Variants in EXD3 observed in about 807,000 individuals in gnomAD.
EXD3 encodes exonuclease 3'-5' domain containing 3, also known as exonuclease mut-7 homolog.
Under a neutral mutation model 98.0 loss-of-function variants are expected in EXD3, and 92 were observed. The ratio of observed to expected loss-of-function variants is 0.94; its 90% CI spans 0.79 to 1.12. EXD3 has a LOEUF of 1.12. Ranked by LOEUF, EXD3 falls within the 50% of genes most tolerant of loss-of-function variation. EXD3 has a pLI of 0.00. For synonymous variants in EXD3, 569 were observed against 526.0 expected (o/e 1.08, Z -1.12); for missense variants, 1,222 against 1,191.6 (o/e 1.03, Z -0.38).
At chr9:137,314,333 G>C (rs1255392455) in intron 19 of EXD3, among the ~76,000 whole-genome samples, 3 of 152,204 alleles carry the variant, frequency 2.0e-5, no homozygotes, top group African/African-American at 7.2e-5. Context: ...GGAGTTGCGA[G>C]TTTGCCAAAA....
Position 137,419,942 on chromosome 9 carries a change from G to A in EXD3, c.-48+3172C>T, listed in dbSNP as rs940643723. 3.9e-5 allele frequency among the ~76,000 whole-genome samples: 6 copies of A among 152,210 alleles called. No homozygotes were observed. The South Asian group carries it at 6.2e-4, about 16-fold the overall frequency. Reference sequence around the variant, plus strand: ...TGGGAGGCCAAGGCGGGCGGATCACGAGGTCAGGAGATCGAGACCATCCTG... The same window carrying A: ...TGGGAGGCCAAGGCGGGCGGATCACAAGGTCAGGAGATCGAGACCATCCTG... On this transcript the variant is annotated intron_variant, in intron 1 of 21. Coordinates refer to ENST00000340951, the MANE Select transcript of EXD3 (RefSeq NM_017820.5).
chr9:137,369,685 G>A (rs1208071563), intron 5 of EXD3, among the ~76,000 whole-genome samples: 1 of 152,240 alleles, frequency 6.6e-6, no homozygotes, highest in Non-Finnish European at 1.5e-5. Flanking sequence ...ACCCCTCTGA[G>A]CCCAAGAAGG....
chr9:137,377,627 A>G (rs1835980938), intron 3 of EXD3, among the ~76,000 whole-genome samples: 1 of 142,988 alleles, frequency 7.0e-6, no homozygotes, highest in South Asian at 2.3e-4. Flanking sequence ...AGGCTGAGGC[A>G]GGAGAATCGC....
chr9:137,374,363 G>T (rs1835790401), intron 3 of EXD3, among the ~76,000 whole-genome samples: 1 of 152,234 alleles, frequency 6.6e-6, no homozygotes, highest in African/African-American at 2.4e-5. Context: ...CCAGCTGCTG[G>T]CTCCAGCCAC....
At chr9:137,328,485 A>ACTAATATACTCCCACATG (rs1336695260) in intron 17 of EXD3, among the ~76,000 whole-genome samples, 1 of 151,746 alleles carries the variant, frequency 6.6e-6, no homozygotes, top group Non-Finnish European at 1.5e-5. Context: ...AGTAAAAACA[A>ACTAATATACTCCCACATG]AAGTAAAAAC....
intron 10 of EXD3, 51 bp downstream of exon 10, chr9:137,354,288 G>T: frequency 6.2e-7 from 1 of 1,603,470 alleles, no homozygotes; most frequent in Non-Finnish European, 8.5e-7. Context: ...GTGCCCCTAG[G>T]ACAGCCGCCC....
At chr9:137,352,497 TG>T in intron 11 of EXD3, 122 bp downstream of exon 11, 1 of 1,068,466 alleles carries the variant, frequency 9.4e-7, no homozygotes, top group Non-Finnish European at 1.3e-6. Context: ...CTGCGCTCTT[TG>T]TTTTGTCTTG....
chr9:137,412,040 C>T (rs1838029057), intron 1 of EXD3, among the ~76,000 whole-genome samples: 1 of 152,164 alleles, frequency 6.6e-6, no homozygotes, highest in African/African-American at 2.4e-5. Context: ...TGGGGGGCTC[C>T]CAGGCTCCCC....
intron 8 of EXD3, among the ~76,000 whole-genome samples, chr9:137,355,497 G>GACCTAGAAACACTGCAAAATCCAGATAA (rs1564508303): frequency 6.7e-5 from 3 of 44,800 alleles, no homozygotes; most frequent in Non-Finnish European, 1.5e-4. Flanking sequence ...GAGGATGGAG[G>GACCTAGAAACACTGCAAAATCCAGATAA]AAGGAGGAAG....
intron 3 of EXD3, chr9:137,374,928 C>T (rs1015100108): frequency 1.2e-6 from 1 of 864,652 alleles, no homozygotes; most frequent in East Asian, 1.2e-4. Context: ...AGTTCTAACT[C>T]TAGTGAGTTC....
intron 3 of EXD3, among the ~76,000 whole-genome samples, chr9:137,374,337 G>T (rs1022384535): frequency 6.6e-6 from 1 of 152,242 alleles, no homozygotes; most frequent in African/African-American, 2.4e-5. Context: ...ACGCAGGTGG[G>T]CAAGAGGGTG....
In EXD3 at chr9:137,343,733, C is replaced by T. The variant is rs184732857; in HGVS notation, c.1998+4338G>A. 8.0e-3 allele frequency among the ~76,000 whole-genome samples: 1,172 copies of T among 146,992 alleles called. 11 individuals carry two copies. The highest frequency in any genetic ancestry group is 0.027 in the African/African-American group (1,084 of 39,880). On this transcript the variant is annotated intron_variant, in intron 17 of 21. Transcript: ENST00000340951. ...CCTCCCGAGTAGCTGGGAATACAGA[C>T]GCCCGCCACCATGCCCGGCTACTTT... is the stretch of plus-strand genomic sequence containing the variant.
At chr9:137,330,827 C>G (rs1391703017) in intron 17 of EXD3, among the ~76,000 whole-genome samples, 3 of 152,136 alleles carry the variant, frequency 2.0e-5, no homozygotes, top group Non-Finnish European at 4.4e-5. Context: ...TTCATTAACA[C>G]GAAGGAGTTT....
intron 19 of EXD3, among the ~76,000 whole-genome samples, chr9:137,310,230 G>A (rs912768911): frequency 5.9e-5 from 9 of 152,154 alleles, no homozygotes; most frequent in Non-Finnish European, 1.0e-4. Flanking sequence ...GGCACAAAAC[G>A]GGCCCCCATG....
In EXD3 at chr9:137,374,964, T is replaced by C. The variant is rs1022938753; in HGVS notation, c.121-1365A>G. On this transcript the variant is annotated intron_variant, in intron 3 of 21. Transcript: ENST00000340951. ...TAGCCCTAATGAGTTATAGCTCTAG[T>C]GAGTTCCAGCTCTAGTAAGTTGTAG... is the stretch of plus-strand genomic sequence containing the variant. 5.1e-6 allele frequency: 3 copies of C among 583,518 alleles called. No individual in the cohort carries two copies. In the African/African-American group the frequency reaches 6.1e-5, roughly 12 times the overall value. 36.1% of individuals were successfully genotyped at this position (583,518 alleles called of 1,614,324 possible). A position where few individuals can be genotyped will look rare whatever the true frequency, so the allele number is the denominator to read the frequency against.
At chr9:137,346,118 A>T (rs2119200577) in intron 17 of EXD3, 1 of 151,638 alleles carries the variant, frequency 6.6e-6, no homozygotes, top group East Asian at 1.9e-4. Context: ...AGGAGCCTGT[A>T]GTTCCAGCTA....
chr9:137,315,517 C>T lies in EXD3; in HGVS notation c.2185-5817G>A, dbSNP rs1234071844. 2.0e-5 allele frequency among the ~76,000 whole-genome samples: 3 copies of T among 152,110 alleles called. No homozygotes were observed. The South Asian group carries it at 6.2e-4, about 31-fold the overall frequency. On this transcript the variant is annotated intron_variant, in intron 19 of 21. Transcript: ENST00000340951. ...GCAGACTTGGGGGCCCCCGGCTGAC[C>T]CGGTCCAGGAGGGCTGGGGGTGAGC...
At chr9:137,317,582 G>C (rs1266345976) in intron 19 of EXD3, among the ~76,000 whole-genome samples, 1 of 152,038 alleles carries the variant, frequency 6.6e-6, no homozygotes, top group Non-Finnish European at 1.5e-5. Flanking sequence ...CTGGAAGGCT[G>C]CTAGGAAAGG....
intron 1 of EXD3, among the ~76,000 whole-genome samples, chr9:137,422,723 C>T (rs1471051386): frequency 6.6e-6 from 1 of 152,236 alleles, no homozygotes; most frequent in East Asian, 1.9e-4. Flanking sequence ...CGTCCCTTCT[C>T]CCGGGGAGGG....
Sources: gnomAD v4.1 joint callset for allele counts (sites outside exome capture counted in the v4.1 genomes callset) on GRCh38, gnomAD v4.1.1 for gene constraint, MANE v1.5 for transcripts, NCBI Gene and HGNC (gene_info 2026-07-23, HGNC 2026-07-21) for gene names.